Variants in CARNMT1 observed in about 807,000 individuals in gnomAD.
CARNMT1 encodes the protein carnosine N-methyltransferase 1, also known as protein-L-histidine N-pros-methyltransferase CARNMT1.
CARNMT1 carries 28 observed loss-of-function variants against 49.6 expected under a neutral mutation model. The ratio of observed to expected loss-of-function variants is 0.56; its 90% CI spans 0.42 to 0.77. CARNMT1 has a LOEUF of 0.77. CARNMT1 is among the 30% of genes least tolerant of loss of function. The pLI is 0.00. For synonymous variants in CARNMT1, 178 were observed against 175.0 expected, an observed-to-expected ratio of 1.02 and a Z score of -0.13; for missense variants, 421 against 512.6, an observed-to-expected ratio of 0.82 and a Z score of 1.73.
chr9:75,008,784 T>A (rs1370097778), intron 3 of CARNMT1, among the ~76,000 whole-genome samples: 1 of 152,174 alleles, frequency 6.6e-6, no homozygotes, highest in South Asian at 2.1e-4. Flanking sequence ...CAATCCTTAA[T>A]GAAAATTCCA....
chr9:75,009,640 A>T (rs1396251563), intron 3 of CARNMT1, among the ~76,000 whole-genome samples: 1 of 152,228 alleles, frequency 6.6e-6, no homozygotes, highest in Non-Finnish European at 1.5e-5. Flanking sequence ...CAAATATATT[A>T]CAAATTAAAA....
At chr9:74,988,799 C>T (rs1197145019) in intron 6 of CARNMT1, among the ~76,000 whole-genome samples, 3 of 152,224 alleles carry the variant, frequency 2.0e-5, no homozygotes, top group Non-Finnish European at 4.4e-5. Flanking sequence ...TAGGGCCATA[C>T]AAAAATAGGC....
intron 1 of CARNMT1, chr9:75,027,536 C>A: frequency 1.1e-6 from 1 of 910,788 alleles, no homozygotes. Context: ...ACTGCTCTTA[C>A]AAGCACTGGT....
rs1045469183 is a variant in CARNMT1 at position 74,998,734 on chromosome 9, A to G, written c.774T>C (p.His258=). The G allele has an allele frequency of 2.5e-6, 4 of 1,590,232 alleles. No individual in the cohort carries two copies. The highest frequency in any genetic ancestry group is 2.7e-5 in the African/African-American group (2 of 74,332). Residue 258 remains histidine (H), a synonymous_variant, in exon 5 of 8, where the codon CAT becomes CAC. Transcript: ENST00000376834. ...CTGATCTCCGGTTATTGCTAAACTGATGGATCCAAGGATAAAGTTTATATT... is the reference window on the plus strand; with the variant it reads ...CTGATCTCCGGTTATTGCTAAACTGGTGGATCCAAGGATAAAGTTTATATT... ...INKYKLYPWI[H]QFSNNRRSAD...
intron 6 of CARNMT1, among the ~76,000 whole-genome samples, chr9:74,986,067 A>G (rs1256786883): frequency 2.6e-5 from 4 of 152,134 alleles, no homozygotes; most frequent in Admixed American, 6.6e-5. Context: ...ATTTTGCCCA[A>G]TCCATCAACC....
At chr9:75,016,462 TGA>T in intron 2 of CARNMT1, 31 bp from the exon 3 acceptor site, 1 of 1,607,156 alleles carries the variant, frequency 6.2e-7, no homozygotes, top group Non-Finnish European at 8.5e-7. Flanking sequence ...AATTAGCTTC[TGA>T]GAGAGTAATC....
In CARNMT1 at chr9:74,984,884, G is replaced by A. The variant is rs764552479; in HGVS notation, c.1128+23C>T. The A allele has an allele frequency of 2.0e-6, 3 of 1,502,000 alleles. No individual in the cohort carries two copies. In the Admixed American group the frequency reaches 5.0e-5, roughly 25 times the overall value. The allele number at this position is 1,502,000 out of a possible 1,614,324, so 93.0% of individuals were successfully genotyped here. On this transcript the variant is annotated intron_variant, in intron 7 of 7. Coordinates refer to ENST00000376834, the MANE Select transcript of CARNMT1 (RefSeq NM_152420.3). Reference sequence around the variant, plus strand: ...GAGGTGCTTTGGGAGTTAAACTTTGGCAATATTTTATTCCATTCTTACCTC... The same window carrying A: ...GAGGTGCTTTGGGAGTTAAACTTTGACAATATTTTATTCCATTCTTACCTC...
intron 6 of CARNMT1, among the ~76,000 whole-genome samples, chr9:74,988,208 C>A (rs759762153): frequency 2.1e-4 from 32 of 152,172 alleles, no homozygotes; most frequent in Non-Finnish European, 2.5e-4. Context: ...TGCAACACCA[C>A]ACGCAGCTTT....
Position 74,983,733 on chromosome 9 carries a change from TA to T in CARNMT1, c.*33del. The T allele has an allele frequency of 1.5e-6, 2 of 1,338,986 alleles. No homozygotes were observed. The highest frequency in any genetic ancestry group is 2.1e-6 in the Non-Finnish European group (2 of 957,154). The allele number at this position is 1,338,986 out of a possible 1,614,324, so 82.9% of individuals were successfully genotyped here. A position where few individuals can be genotyped will look rare whatever the true frequency, so the allele number is the denominator to read the frequency against. On this transcript the variant is annotated 3_prime_UTR_variant, in exon 8 of 8. Coordinates refer to ENST00000376834, the MANE Select transcript of CARNMT1 (RefSeq NM_152420.3). ...CGTTGATTTCAGCATTTGTTCTTACTAAACTTTTTTCCAGGTGGTATCACTT... is the reference window on the plus strand; with the variant it reads ...CGTTGATTTCAGCATTTGTTCTTACTAACTTTTTTCCAGGTGGTATCACTT...
At chr9:75,020,681 T>G (rs767548089) in intron 1 of CARNMT1, among the ~76,000 whole-genome samples, 6 of 152,208 alleles carry the variant, frequency 3.9e-5, no homozygotes, top group Non-Finnish European at 8.8e-5. Flanking sequence ...TTATTCCAAC[T>G]GCCAAACAGT....
chr9:75,019,075 T>C (rs562019622), intron 1 of CARNMT1, among the ~76,000 whole-genome samples: 11 of 152,124 alleles, frequency 7.2e-5, no homozygotes, highest in African/African-American at 9.6e-5. Flanking sequence ...ACAGTATAGT[T>C]ATACAGTGGA....
chr9:74,985,138 A>C (rs1430553339), intron 6 of CARNMT1, 128 bp from the exon 7 acceptor site: 3 of 685,154 alleles, frequency 4.4e-6, no homozygotes, highest in African/African-American at 3.6e-5. Flanking sequence ...GCATTTGCTG[A>C]AAATGCCCAG....
chr9:75,021,147 CA>C (rs1822339217), intron 1 of CARNMT1, among the ~76,000 whole-genome samples: 1 of 151,076 alleles, frequency 6.6e-6, no homozygotes, highest in Non-Finnish European at 1.5e-5. Flanking sequence ...ATAACGTACT[CA>C]AAAGATTTAG....
chr9:75,014,870 T>G (rs891767445), intron 3 of CARNMT1, among the ~76,000 whole-genome samples: 2 of 151,430 alleles, frequency 1.3e-5, no homozygotes, highest in African/African-American at 2.4e-5. Flanking sequence ...ATCAATAAAA[T>G]AAAATGTCCT....
chr9:75,019,386 A>G (rs1031110387), intron 1 of CARNMT1, among the ~76,000 whole-genome samples: 1 of 152,246 alleles, frequency 6.6e-6, no homozygotes, highest in Non-Finnish European at 1.5e-5. Flanking sequence ...ACGGATTTCA[A>G]TGGCCCCACA....
chr9:75,026,129 T>C, intron 1 of CARNMT1, among the ~76,000 whole-genome samples: 1 of 152,232 alleles, frequency 6.6e-6, no homozygotes, highest in East Asian at 1.9e-4. Flanking sequence ...TTCAAGAGAG[T>C]ATATACAAAT....
At chr9:75,005,623 T>A (rs1416926015) in intron 3 of CARNMT1, among the ~76,000 whole-genome samples, 1 of 151,650 alleles carries the variant, frequency 6.6e-6, no homozygotes, top group African/African-American at 2.4e-5. Context: ...CAGGCACCTG[T>A]CACCACGCCC....
intron 1 of CARNMT1, chr9:75,027,302 C>T (rs1220265569): frequency 2.7e-5 from 18 of 660,840 alleles, no homozygotes; most frequent in Non-Finnish European, 3.0e-5. Context: ...GTGCCTAGCA[C>T]ACCAGGGAGA....
Position 74,985,582 on chromosome 9 carries a change from C to CT in CARNMT1, c.1025-573dup, listed in dbSNP as rs894654797. ...TAACTCCACTTCATCTACAATATGA[C>CT]TTTTTTTTTTTTTGAGACAATCTCA... On this transcript the variant is annotated intron_variant, in intron 6 of 7. Transcript: ENST00000376834. 4.7e-3 allele frequency among the ~76,000 whole-genome samples: 674 copies of CT among 144,854 alleles called. 2 individuals are homozygous for CT. The highest frequency in any genetic ancestry group is 0.013 in the South Asian group (59 of 4,542).
Sources: allele counts gnomAD v4.1 joint callset (sites outside exome capture counted in the v4.1 genomes callset), GRCh38; gene constraint gnomAD v4.1.1; transcripts MANE v1.5; gene names NCBI Gene and HGNC (gene_info 2026-07-23, HGNC 2026-07-21).